The following RHOF variants were observed in gnomAD, a reference collection of about 807,000 sequenced individuals.
The protein encoded by RHOF is rho-related GTP-binding protein RhoF.
A neutral mutation model predicts 22.2 loss-of-function variants in RHOF; 21 were observed. That is an observed-to-expected ratio of 0.95 (90% CI 0.67 to 1.36). RHOF has a LOEUF of 1.36. Ranked by LOEUF, RHOF falls within the 40% of genes most tolerant of loss-of-function variation. The probability of loss-of-function intolerance (pLI) is 0.00; values close to 1 mark genes in which losing one functional copy is unlikely to be tolerated. For synonymous variants in RHOF, 135 were observed against 131.2 expected, an observed-to-expected ratio of 1.03 and a Z score of -0.20; for missense variants, 285 against 293.7, an observed-to-expected ratio of 0.97 and a Z score of 0.22.
At chr12:121,788,798 G>A (rs1874683339) in intron 2 of RHOF, among the ~76,000 whole-genome samples, 1 of 152,136 alleles carries the variant, frequency 6.6e-6, no homozygotes, top group Non-Finnish European at 1.5e-5. Flanking sequence ...TGCAGGGGCA[G>A]GGGTGGAGTG....
At chr12:121,781,315 T>C (rs1265005705) in intron 2 of RHOF, 123 bp from the exon 3 acceptor site, 4 of 793,480 alleles carry the variant, frequency 5.0e-6, no homozygotes, top group Non-Finnish European at 8.1e-6. Flanking sequence ...ATCTATACAA[T>C]GGGCAGCAAG....
At chr12:121,781,505 T>C in intron 2 of RHOF, 1 of 321,648 alleles carries the variant, frequency 3.1e-6, no homozygotes, top group Admixed American at 4.6e-5. Flanking sequence ...AGCCCCCCAG[T>C]CCTGGATGGT....
intron 2 of RHOF, among the ~76,000 whole-genome samples, chr12:121,791,778 G>A (rs1874771156): frequency 6.6e-6 from 1 of 152,204 alleles, no homozygotes; most frequent in Non-Finnish European, 1.5e-5. Context: ...TGGCAGAGGA[G>A]GAGGAAAGAA....
intron 2 of RHOF, among the ~76,000 whole-genome samples, chr12:121,791,522 G>A (rs1245071412): frequency 6.6e-6 from 1 of 152,168 alleles, no homozygotes; most frequent in Non-Finnish European, 1.5e-5. Context: ...GATCCCCATG[G>A]TGCCAGTGGT....
chr12:121,793,440 G>T (rs1874819032), intron 1 of RHOF, 56 bp downstream of exon 1: 7 of 1,531,584 alleles, frequency 4.6e-6, no homozygotes, highest in Non-Finnish European at 5.3e-6. Flanking sequence ...TCGGGGCTCT[G>T]GGCTCAGGGT....
At chr12:121,789,373 CGGAA>C (rs1245653191) in intron 2 of RHOF, among the ~76,000 whole-genome samples, 8 of 151,992 alleles carry the variant, frequency 5.3e-5, no homozygotes, top group African/African-American at 1.5e-4. Context: ...CAGGGCTGGG[CGGAA>C]GGGAGGCTCA....
intron 2 of RHOF, among the ~76,000 whole-genome samples, chr12:121,790,009 A>C (rs1874722519): frequency 6.6e-6 from 1 of 152,182 alleles, no homozygotes; most frequent in Admixed American, 6.5e-5. Flanking sequence ...CCTGCCTCAG[A>C]GGATGTCAGG....
chr12:121,786,863 C>A (rs942224194), intron 2 of RHOF, among the ~76,000 whole-genome samples: 1 of 152,000 alleles, frequency 6.6e-6, no homozygotes, highest in Non-Finnish European at 1.5e-5. Flanking sequence ...ATGGTGAAAC[C>A]CTGTCTCTAC....
intron 2 of RHOF, among the ~76,000 whole-genome samples, chr12:121,790,606 A>G (rs1311616507): frequency 2.6e-5 from 4 of 152,194 alleles, no homozygotes; most frequent in Non-Finnish European, 4.4e-5. Context: ...CCTATGAGCA[A>G]GCCTTCCCTG....
chr12:121,786,824 G>A (rs748466903), intron 2 of RHOF, among the ~76,000 whole-genome samples: 2 of 152,094 alleles, frequency 1.3e-5, no homozygotes, highest in African/African-American at 2.4e-5. Context: ...ATCACTTGAG[G>A]TCAGGAGTTC....
chr12:121,785,956 C>T (rs867420231), intron 2 of RHOF, among the ~76,000 whole-genome samples: 2 of 151,142 alleles, frequency 1.3e-5, no homozygotes, highest in Admixed American at 6.6e-5. Context: ...ACTCTATCGC[C>T]CAGGCTGGAA....
chr12:121,780,873 T>A lies in RHOF; in HGVS notation c.470A>T (p.Gln157Leu). Residue 157 changes from glutamine to leucine, a missense_variant and splice_region_variant, in exon 4 of 5, where the codon CAG becomes CTG. Coordinates refer to ENST00000267205, the MANE Select transcript of RHOF (RefSeq NM_019034.3). ...AAQLEPITYM[Q>L]GLSACEQIRA... ...CCCAGGGTCTTGGCCCCGGCCCACC[T>A]GCATGTAGGTGATGGGCTCCAGCTG... The A allele has an allele frequency of 6.2e-7, 1 of 1,612,752 alleles. No homozygotes were observed. The highest frequency in any genetic ancestry group is 8.5e-7 in the Non-Finnish European group (1 of 1,179,578).
intron 2 of RHOF, among the ~76,000 whole-genome samples, chr12:121,789,458 G>A (rs1159220016): frequency 6.6e-6 from 1 of 152,180 alleles, no homozygotes; most frequent in Non-Finnish European, 1.5e-5. Context: ...AGGGACAGGG[G>A]TCTCTAAGGC....
At position 121,783,317 on chromosome 12, in the gene RHOF, C is replaced by A. The variant is rs554600264; in HGVS notation, c.227-2125G>T. On this transcript the variant is annotated intron_variant, in intron 2 of 4. Transcript: ENST00000267205. Reference sequence around the variant, plus strand: ...AAGCATCTTCAATGGCTCCCTATTGCCCCCCCCCCCACCTTTTCTTTGAGA... The same window carrying A: ...AAGCATCTTCAATGGCTCCCTATTGACCCCCCCCCCACCTTTTCTTTGAGA... Among the ~76,000 whole-genome samples the A allele has an allele frequency of 5.9e-3, 365 of 61,624 alleles. 9 individuals carry two copies. Among genetic ancestry groups the A allele is most frequent in the African/African-American group, 0.02 (320 of 15,872 alleles). 40.4% of individuals were successfully genotyped at this position (61,624 alleles called of 152,430 possible).
intron 2 of RHOF, among the ~76,000 whole-genome samples, chr12:121,790,146 G>C (rs1370067032): frequency 6.6e-6 from 1 of 152,234 alleles, no homozygotes; most frequent in Non-Finnish European, 1.5e-5. Flanking sequence ...CCTCAGGAGG[G>C]AGACAGCCAC....
chr12:121,793,038 C>T, intron 2 of RHOF, 114 bp downstream of exon 2: 3 of 902,698 alleles, frequency 3.3e-6, no homozygotes, highest in East Asian at 2.6e-5. Context: ...AGTGAAGAGC[C>T]GGCCAAGGCC....
intron 2 of RHOF, among the ~76,000 whole-genome samples, chr12:121,784,030 T>C (rs561597557): frequency 6.4e-4 from 98 of 152,206 alleles, no homozygotes; most frequent in Non-Finnish European, 1.1e-3. Flanking sequence ...CCCACCAAGC[T>C]CTCATGTCCC....
At chr12:121,790,518 A>G (rs1874738785) in intron 2 of RHOF, among the ~76,000 whole-genome samples, 2 of 151,954 alleles carry the variant, frequency 1.3e-5, no homozygotes. Context: ...TCATTCCATC[A>G]CCTTCCAGGC....
At chr12:121,786,247 C>T (rs1366265893) in intron 2 of RHOF, among the ~76,000 whole-genome samples, 5 of 151,652 alleles carry the variant, frequency 3.3e-5, no homozygotes, top group Non-Finnish European at 1.5e-5. Flanking sequence ...GTAGAGACGG[C>T]GTTTCACCAT....
Sources: gnomAD v4.1 joint callset for allele counts (sites outside exome capture counted in the v4.1 genomes callset) on GRCh38, gnomAD v4.1.1 for gene constraint, MANE v1.5 for transcripts, NCBI Gene and HGNC (gene_info 2026-07-23, HGNC 2026-07-21) for gene names.